EHD3: variants seen among roughly 807,000 people sequenced by gnomAD.
The protein encoded by EHD3 is EH domain-containing protein 3.
EHD3 carries 17 observed loss-of-function variants against 43.0 expected under a neutral mutation model. That is an observed-to-expected ratio of 0.40 (90% confidence interval 0.27 to 0.59). The LOEUF (loss-of-function observed/expected upper bound fraction) is 0.59. Among genes scored for constraint, EHD3 ranks in the 20% least tolerant of loss-of-function variants. The probability of loss-of-function intolerance (pLI) is 0.49; values close to 1 mark genes in which losing one functional copy is unlikely to be tolerated. For missense variants in EHD3, 594 were observed against 705.6 expected (o/e 0.84, Z 1.79); for synonymous variants, 313 against 289.5 (o/e 1.08, Z -0.82).
At chr2:31,264,533 C>CTTTTTTTT (rs35446028) in intron 5 of EHD3, among the ~76,000 whole-genome samples, 11 of 114,148 alleles carry the variant, frequency 9.6e-5, no homozygotes, top group South Asian at 2.9e-4. Context: ...ACTTTACAGA[C>CTTTTTTTT]TTTTTTTTTT....
In EHD3 at chr2:31,260,464, C is replaced by G. The variant is rs756399330; in HGVS notation, c.503-46C>G. 1 of 1,550,800 alleles carries G rather than the reference C, an allele frequency of 6.4e-7. No individual in the cohort carries two copies. Among genetic ancestry groups the G allele is most frequent in the Non-Finnish European group, 8.7e-7 (1 of 1,144,994 alleles). ...CCCGACTGCTTCTCCAAACCCCTAC[C>G]CTATACCCCAAAGGCCCCAGCCCCT... is the stretch of plus-strand genomic sequence containing the variant. On this transcript the variant is annotated intron_variant, in intron 3 of 5. Transcript: ENST00000322054. The surrounding 1 kb of genome is among the most constrained non-coding windows in gnomAD (Gnocchi z 4.6).
intron 5 of EHD3, among the ~76,000 whole-genome samples, chr2:31,262,551 A>C (rs2148723949): frequency 6.6e-6 from 1 of 152,356 alleles, no homozygotes; most frequent in Non-Finnish European, 1.5e-5. Flanking sequence ...TTAGGTGGGC[A>C]GAGGGAGGTG....
At chr2:31,264,449 A>G (rs1169908713) in intron 5 of EHD3, among the ~76,000 whole-genome samples, 1 of 152,018 alleles carries the variant, frequency 6.6e-6, no homozygotes, top group African/African-American at 2.4e-5. Context: ...TTCTTTAGAA[A>G]CACTGTACAC....
intron 2 of EHD3, among the ~76,000 whole-genome samples, chr2:31,245,623 G>A (rs1290422044): frequency 2.8e-5 from 4 of 142,626 alleles, no homozygotes; most frequent in Non-Finnish European, 4.5e-5. Context: ...GTGCAATGGC[G>A]CGATCTCAGC....
At chr2:31,258,844 G>A (rs560189816) in intron 3 of EHD3, among the ~76,000 whole-genome samples, 2 of 152,172 alleles carry the variant, frequency 1.3e-5, no homozygotes, top group Non-Finnish European at 2.9e-5. Context: ...AATGCTCTGC[G>A]CCAGACCTAC....
At chr2:31,247,960 G>A (rs1009108273) in intron 2 of EHD3, among the ~76,000 whole-genome samples, 4 of 152,244 alleles carry the variant, frequency 2.6e-5, no homozygotes, top group African/African-American at 9.6e-5. Context: ...GAGGTTCTGA[G>A]ATTTTCTCCA....
chr2:31,251,334 G>A (rs1489841870), intron 3 of EHD3, among the ~76,000 whole-genome samples: 1 of 152,224 alleles, frequency 6.6e-6, no homozygotes, highest in African/African-American at 2.4e-5. Flanking sequence ...CAGTGAGAGA[G>A]GCCCTCCAGG....
chr2:31,264,685 A>G (rs1038332147), intron 5 of EHD3, among the ~76,000 whole-genome samples: 1 of 151,690 alleles, frequency 6.6e-6, no homozygotes, highest in Non-Finnish European at 1.5e-5. Flanking sequence ...ATGTGCCACC[A>G]TGCCCAGCTA....
chr2:31,265,659 T>C (rs1683934873), intron 5 of EHD3, among the ~76,000 whole-genome samples: 3 of 152,282 alleles, frequency 2.0e-5, no homozygotes, highest in East Asian at 1.9e-4. Flanking sequence ...TAAGTGGGGA[T>C]AGAATGTGAT....
At chr2:31,251,563 A>C (rs1683636127) in intron 3 of EHD3, among the ~76,000 whole-genome samples, 1 of 152,144 alleles carries the variant, frequency 6.6e-6, no homozygotes, top group Non-Finnish European at 1.5e-5. Context: ...GGACTTGGGA[A>C]ACTGTGTTAG....
rs1418621028 is a variant in EHD3 at position 31,243,456 on chromosome 2, C to CTTTTTTT, written c.228-815_228-814insTTTTTTT. 7.0e-3 allele frequency among the ~76,000 whole-genome samples: 650 copies of CTTTTTTT among 93,226 alleles called. 10 individuals carry two copies. The highest frequency in any genetic ancestry group is 0.026 in the African/African-American group (502 of 19,638). The allele number at this position is 93,226 out of a possible 152,430, so 61.2% of individuals were successfully genotyped here. The stretch of plus-strand genomic sequence containing the variant: ...TCTTTCTTTCTTTCTTTCTTTCTTT[C>CTTTTTTT]TTTCTTTTTTTTTTTTTGAGACAGA... On this transcript the variant is annotated intron_variant, in intron 1 of 5. Coordinates refer to ENST00000322054, the MANE Select transcript of EHD3 (RefSeq NM_014600.3).
At chr2:31,262,700 C>G (rs2148723999) in intron 5 of EHD3, among the ~76,000 whole-genome samples, 1 of 152,288 alleles carries the variant, frequency 6.6e-6, no homozygotes, top group Non-Finnish European at 1.5e-5. Flanking sequence ...GGCAGATCAC[C>G]TGAGGCCAGG....
In EHD3 at chr2:31,261,539, T is replaced by C. The variant is rs1406719617; in HGVS notation, c.916-10T>C. The C allele has an allele frequency of 1.2e-6, 2 of 1,613,910 alleles. No individual in the cohort carries two copies. Among genetic ancestry groups the C allele is most frequent in the African/African-American group, 2.7e-5 (2 of 74,914 alleles). ...TGATGTGAAGGCTTCTCTCTGGCCC[T>C]GTTTGTCAGGTCCACGCCTACATCA... is the stretch of plus-strand genomic sequence containing the variant. On this transcript the variant is annotated splice_polypyrimidine_tract_variant and intron_variant, in intron 4 of 5. Coordinates refer to ENST00000322054, the MANE Select transcript of EHD3 (RefSeq NM_014600.3).
chr2:31,234,525 C>A lies in EHD3; in HGVS notation c.-97C>A. On this transcript the variant is annotated 5_prime_UTR_variant, in exon 1 of 6. Transcript: ENST00000322054. ...GCCCCGCGCTTGGGTGAGGCGGCGG[C>A]GCGGCTCGGAGCCCGGCGGACCGGT... 1.4e-6 allele frequency: 2 copies of A among 1,410,342 alleles called. No individual in the cohort carries two copies. Among genetic ancestry groups the A allele is most frequent in the South Asian group, 2.6e-5 (2 of 77,826 alleles). The allele number at this position is 1,410,342 out of a possible 1,614,324, so 87.4% of individuals were successfully genotyped here.
intron 3 of EHD3, among the ~76,000 whole-genome samples, chr2:31,255,539 A>G (rs915731984): frequency 8.5e-5 from 13 of 152,194 alleles, no homozygotes; most frequent in African/African-American, 3.1e-4. Context: ...ATCCTATACC[A>G]TACCCTTTTT....
At chr2:31,257,265 G>A (rs1439109599) in intron 3 of EHD3, among the ~76,000 whole-genome samples, 8 of 152,202 alleles carry the variant, frequency 5.3e-5, no homozygotes, top group East Asian at 1.9e-4. Context: ...GGTGACAGCA[G>A]CCTTGCCATG....
rs568188623 is a variant in EHD3, at chr2:31,252,359, A to C, written c.502+2891A>C. On this transcript the variant is annotated intron_variant, in intron 3 of 5. Transcript: ENST00000322054. Reference sequence around the variant, plus strand: ...TGAATAGTTTCCCTTGTAGTTGTGCAGTGCACAGCCTGTGCACCTGTATGT... The same window carrying C: ...TGAATAGTTTCCCTTGTAGTTGTGCCGTGCACAGCCTGTGCACCTGTATGT... Among the ~76,000 whole-genome samples, 48 of 152,370 alleles carry C rather than the reference A, an allele frequency of 3.2e-4. 1 individual carries two copies. Among genetic ancestry groups the C allele is most frequent in the African/African-American group, 7.0e-4 (29 of 41,586 alleles).
At chr2:31,262,665 C>A (rs746714452) in intron 5 of EHD3, among the ~76,000 whole-genome samples, 6 of 152,252 alleles carry the variant, frequency 3.9e-5, no homozygotes, top group Non-Finnish European at 8.8e-5. Flanking sequence ...CGCCTGTAAT[C>A]CCAGCAGTTT....
At position 31,260,474 on chromosome 2, in the gene EHD3, A is replaced by G. The variant is rs771048215; in HGVS notation, c.503-36A>G. 2 of 1,561,188 alleles carry G rather than the reference A, an allele frequency of 1.3e-6. No homozygotes were observed. The highest frequency in any genetic ancestry group is 1.7e-6 in the Non-Finnish European group (2 of 1,150,258). The stretch of plus-strand genomic sequence containing the variant: ...TCTCCAAACCCCTACCCTATACCCC[A>G]AAGGCCCCAGCCCCTGATTGTCCCT... On this transcript the variant is annotated intron_variant, in intron 3 of 5. Coordinates refer to ENST00000322054, the MANE Select transcript of EHD3 (RefSeq NM_014600.3). This position sits in a 1 kb window ranked among gnomAD's most constrained non-coding sequence, Gnocchi z 4.6.
Sources: allele counts gnomAD v4.1 joint callset (sites outside exome capture counted in the v4.1 genomes callset), GRCh38; gene constraint gnomAD v4.1.1; non-coding constraint Gnocchi (gnomAD v3.1); transcripts MANE v1.5; gene names NCBI Gene and HGNC (gene_info 2026-07-23, HGNC 2026-07-21).